TRPC4: variants seen among roughly 807,000 people sequenced by gnomAD.
The protein encoded by TRPC4 is short transient receptor potential channel 4.
Under a neutral mutation model 99.4 loss-of-function variants are expected in TRPC4, and 49 were observed. The ratio of observed to expected loss-of-function variants is 0.49; its 90% CI spans 0.39 to 0.63. The LOEUF is 0.63. TRPC4 is among the 20% of genes least tolerant of loss of function. The pLI, the probability that TRPC4 is intolerant of heterozygous loss-of-function variation, is 0.00. For missense variants in TRPC4, 898 were observed against 1,152.9 expected, an observed-to-expected ratio of 0.78 and a Z score of 3.20; for synonymous variants, 454 against 425.9, an observed-to-expected ratio of 1.07 and a Z score of -0.81.
chr13:37,829,212 T>A (rs1443136218), intron 1 of TRPC4, among the ~76,000 whole-genome samples: 1 of 152,174 alleles, frequency 6.6e-6, no homozygotes, highest in Admixed American at 6.6e-5. Flanking sequence ...AAATCATGTC[T>A]ACCAAAGGTC....
chr13:37,786,999 A>G (rs1333796872), intron 1 of TRPC4, among the ~76,000 whole-genome samples: 1 of 152,080 alleles, frequency 6.6e-6, no homozygotes, highest in Non-Finnish European at 1.5e-5. Flanking sequence ...TATGAAAACT[A>G]CAGTTTTCTA....
At chr13:37,816,108 GTTAAGAGAGACATT>G (rs1176739551) in intron 1 of TRPC4, among the ~76,000 whole-genome samples, 1 of 134,748 alleles carries the variant, frequency 7.4e-6, no homozygotes, top group Non-Finnish European at 1.8e-5. Context: ...ATAAAACACT[GTTAAGAGAGACATT>G]TACAGCACTA....
At position 37,810,718 on chromosome 13, in the gene TRPC4, A is replaced by G. The variant is rs1014627263; in HGVS notation, c.-27-27358T>C. ...AAACTTTATACTTTTGATTTGTGGGATGCTCTTTGGTAATATTTCCATATC... is the reference window on the plus strand; with the variant it reads ...AAACTTTATACTTTTGATTTGTGGGGTGCTCTTTGGTAATATTTCCATATC... On this transcript the variant is annotated intron_variant, in intron 1 of 10. Transcript: ENST00000379705. Among the ~76,000 whole-genome samples the G allele has an allele frequency of 9.2e-5, 14 of 152,188 alleles. No individual in the cohort carries two copies. In the East Asian group the frequency reaches 2.1e-3, roughly 23 times the overall value.
At chr13:37,715,197 T>G (rs1041635224) in intron 3 of TRPC4, among the ~76,000 whole-genome samples, 1 of 152,126 alleles carries the variant, frequency 6.6e-6, no homozygotes, top group Non-Finnish European at 1.5e-5. Flanking sequence ...TTAGGCTGGA[T>G]ATGGCTGGAA....
chr13:37,691,427 A>G (rs1021159525), intron 4 of TRPC4, among the ~76,000 whole-genome samples: 12 of 152,208 alleles, frequency 7.9e-5, no homozygotes, highest in Non-Finnish European at 1.8e-4. Context: ...TTCACTAGCT[A>G]CTTTAAGGTT....
At chr13:37,717,007 G>A (rs1029442962) in intron 3 of TRPC4, among the ~76,000 whole-genome samples, 14 of 152,032 alleles carry the variant, frequency 9.2e-5, no homozygotes, top group Non-Finnish European at 1.3e-4. Flanking sequence ...TTGATCTGGC[G>A]ACCTAGAGTA....
chr13:37,632,413 A>C lies in TRPC4; in HGVS notation c.*4490T>G, dbSNP rs1306557346. 2.0e-5 allele frequency among the ~76,000 whole-genome samples: 3 copies of C among 152,228 alleles called. No homozygotes were observed. Among genetic ancestry groups the C allele is most frequent in the Non-Finnish European group, 4.4e-5 (3 of 68,036 alleles). On this transcript the variant is annotated 3_prime_UTR_variant, in exon 11 of 11. Transcript: ENST00000379705. Reference sequence around the variant, plus strand: ...ACATTATTTTCATACTGTCCTAGAAATCTGGTGTGTGTTTCACACTTACAG... The same window carrying C: ...ACATTATTTTCATACTGTCCTAGAACTCTGGTGTGTGTTTCACACTTACAG...
chr13:37,744,307 C>A (rs1276160470), intron 3 of TRPC4, among the ~76,000 whole-genome samples: 1 of 152,156 alleles, frequency 6.6e-6, no homozygotes, highest in Non-Finnish European at 1.5e-5. Flanking sequence ...CTTTGAACAT[C>A]TTTCATCAAT....
chr13:37,765,883 A>T (rs970370995), intron 2 of TRPC4, among the ~76,000 whole-genome samples: 19 of 151,338 alleles, frequency 1.3e-4, no homozygotes, highest in Admixed American at 1.3e-4. Context: ...GTTTTTTTAA[A>T]TGCACAAACG....
At chr13:37,740,620 T>C (rs922997421) in intron 3 of TRPC4, among the ~76,000 whole-genome samples, 2 of 152,170 alleles carry the variant, frequency 1.3e-5, no homozygotes, top group Non-Finnish European at 2.9e-5. Flanking sequence ...TTGGTTGTAC[T>C]AAGGCTACAC....
chr13:37,752,204 C>T (rs538085501), intron 2 of TRPC4, among the ~76,000 whole-genome samples: 1 of 150,392 alleles, frequency 6.6e-6, no homozygotes, highest in Non-Finnish European at 1.5e-5. Context: ...AACAAGAATA[C>T]GGTACTGTGC....
At chr13:37,689,495 C>G (rs1953610415) in intron 4 of TRPC4, among the ~76,000 whole-genome samples, 1 of 152,160 alleles carries the variant, frequency 6.6e-6, no homozygotes, top group Non-Finnish European at 1.5e-5. Context: ...GCAAGATGAT[C>G]ATTTGCACGC....
chr13:37,636,845 C>CA lies in TRPC4; in HGVS notation c.*57dup. ...CTAATACAATTTAAACATTTTCCCC[C>CA]ACCCAGAGCACTACGGAAAATACGT... On this transcript the variant is annotated 3_prime_UTR_variant, in exon 11 of 11. Coordinates refer to ENST00000379705, the MANE Select transcript of TRPC4 (RefSeq NM_016179.4). 3.9e-6 allele frequency: 6 copies of CA among 1,527,598 alleles called. No individual in the cohort carries two copies. The highest frequency in any genetic ancestry group is 3.5e-6 in the Non-Finnish European group (4 of 1,140,324). 94.6% of individuals were successfully genotyped at this position (1,527,598 alleles called of 1,614,324 possible).
At chr13:37,754,054 T>A (rs1215038000) in intron 2 of TRPC4, among the ~76,000 whole-genome samples, 1 of 152,100 alleles carries the variant, frequency 6.6e-6, no homozygotes, top group Non-Finnish European at 1.5e-5. Context: ...GCTGAGGCAA[T>A]TATCAGTTAA....
At chr13:37,835,641 G>A (rs1958545140) in intron 1 of TRPC4, among the ~76,000 whole-genome samples, 1 of 152,066 alleles carries the variant, frequency 6.6e-6, no homozygotes, top group African/African-American at 2.4e-5. Context: ...ACATGACAGT[G>A]ACAAAGAAAG....
chr13:37,796,966 A>AT (rs1235226384), intron 1 of TRPC4, among the ~76,000 whole-genome samples: 198 of 146,820 alleles, frequency 1.3e-3, no homozygotes, highest in African/African-American at 4.8e-3. Flanking sequence ...AAATAAAATA[A>AT]AATAAAGTAA....
chr13:37,644,872 C>CAAAAAAAAA (rs11446579), intron 8 of TRPC4, among the ~76,000 whole-genome samples: 1 of 81,504 alleles, frequency 1.2e-5, no homozygotes, highest in Admixed American at 1.9e-4. Context: ...GACTCCATCT[C>CAAAAAAAAA]AAAAAAAAAA....
intron 4 of TRPC4, among the ~76,000 whole-genome samples, chr13:37,684,918 A>C (rs1293177657): frequency 1.3e-5 from 2 of 152,052 alleles, no homozygotes; most frequent in Non-Finnish European, 2.9e-5. Context: ...AAAGCAAAAA[A>C]GGAAACATCT....
chr13:37,816,055 T>A (rs1329937673), intron 1 of TRPC4, among the ~76,000 whole-genome samples: 1 of 151,816 alleles, frequency 6.6e-6, no homozygotes, highest in Non-Finnish European at 1.5e-5. Flanking sequence ...TCTTTGAAAT[T>A]AATGAGAACA....
Sources: gnomAD v4.1 joint callset for allele counts (sites outside exome capture counted in the v4.1 genomes callset) on GRCh38, gnomAD v4.1.1 for gene constraint, MANE v1.5 for transcripts, NCBI Gene and HGNC (gene_info 2026-07-23, HGNC 2026-07-21) for gene names.